The following SNTG1 variants were observed in gnomAD, a reference collection of about 807,000 sequenced individuals.
SNTG1 encodes the protein gamma-1-syntrophin.
SNTG1 carries 39 observed loss-of-function variants against 74.7 expected under a neutral mutation model. The ratio of observed to expected loss-of-function variants is 0.52; its 90% CI spans 0.40 to 0.68. The LOEUF is 0.68. SNTG1 is among the 30% of genes least tolerant of loss of function. The pLI is 0.00. For missense variants in SNTG1, 685 were observed against 609.5 expected (o/e 1.12, Z -1.30); for synonymous variants, 254 against 217.1 (o/e 1.17, Z -1.49).
At position 49,915,709 on chromosome 8, in the gene SNTG1, C is replaced by G. The variant is rs376321341; in HGVS notation, c.-103+3478C>G. On this transcript the variant is annotated intron_variant, in intron 1 of 18. Coordinates refer to ENST00000642720, the MANE Select transcript of SNTG1 (RefSeq NM_018967.5). ...AGTGATATTGATAAGGAAACTCATA[C>G]GATGAAATACACTTCAAAACTCCAT... 5.9e-5 allele frequency among the ~76,000 whole-genome samples: 9 copies of G among 152,058 alleles called. No individual in the cohort carries two copies. The East Asian group carries it at 1.7e-3, about 29-fold the overall frequency.
chr8:50,430,609 G>A (rs1392108951), intron 4 of SNTG1, among the ~76,000 whole-genome samples: 5 of 152,144 alleles, frequency 3.3e-5, no homozygotes, highest in African/African-American at 7.2e-5. Flanking sequence ...CAGACAAATC[G>A]ACTTTGTTCT....
At position 50,671,935 on chromosome 8, in the gene SNTG1, A is replaced by G. The variant is rs1237439468; in HGVS notation, c.1038+13272A>G. 6.0e-5 allele frequency among the ~76,000 whole-genome samples: 9 copies of G among 150,920 alleles called. No homozygotes were observed. The East Asian group carries it at 1.6e-3, about 27-fold the overall frequency. ...TGGAAATCATCATTCTCAGTAAACT[A>G]TCGCAAGGACAAAAAACTAAACACC... On this transcript the variant is annotated intron_variant, in intron 15 of 18. Coordinates refer to ENST00000642720, the MANE Select transcript of SNTG1 (RefSeq NM_018967.5).
intron 2 of SNTG1, among the ~76,000 whole-genome samples, chr8:50,336,248 T>C (rs933411405): frequency 6.6e-6 from 1 of 152,244 alleles, no homozygotes; most frequent in Non-Finnish European, 1.5e-5. Flanking sequence ...CTTCATCCTG[T>C]AGACTCTTTC....
chr8:50,726,687 A>C (rs1027058710), intron 17 of SNTG1, among the ~76,000 whole-genome samples: 4 of 152,152 alleles, frequency 2.6e-5, no homozygotes, highest in African/African-American at 9.7e-5. Context: ...GTCTCTACTA[A>C]AAATACAAAA....
At chr8:50,567,541 T>C (rs1304437545) in intron 12 of SNTG1, among the ~76,000 whole-genome samples, 2 of 152,086 alleles carry the variant, frequency 1.3e-5, no homozygotes, top group Non-Finnish European at 1.5e-5. Flanking sequence ...TGAGATATTA[T>C]TCTAGCCTTA....
intron 1 of SNTG1, among the ~76,000 whole-genome samples, chr8:49,932,214 A>G (rs1186932081): frequency 6.6e-6 from 1 of 152,106 alleles, no homozygotes; most frequent in Admixed American, 6.6e-5. Context: ...AGTTCCTATT[A>G]CAGCTTCTAA....
chr8:50,190,320 G>A (rs1410081258), intron 2 of SNTG1, among the ~76,000 whole-genome samples: 2 of 152,086 alleles, frequency 1.3e-5, no homozygotes, highest in Non-Finnish European at 2.9e-5. Context: ...TCCCTGGATT[G>A]AGGAGAACAG....
intron 5 of SNTG1, among the ~76,000 whole-genome samples, chr8:50,442,697 A>C (rs1337941349): frequency 6.6e-6 from 1 of 151,448 alleles, no homozygotes; most frequent in African/African-American, 2.4e-5. Flanking sequence ...AAAAAAAAAA[A>C]AAAAAAAAAA....
rs373492087 is a variant in SNTG1 at position 50,035,047 on chromosome 8, A to G, written c.-103+122816A>G. Among the ~76,000 whole-genome samples, 5 of 152,114 alleles carry G rather than the reference A, an allele frequency of 3.3e-5. No individual in the cohort carries two copies. In the East Asian group the frequency reaches 9.7e-4, roughly 29 times the overall value. On this transcript the variant is annotated intron_variant, in intron 1 of 18. Transcript: ENST00000642720. Reference sequence around the variant, plus strand: ...CTGGGTGATGCCCCACATAGTTCCCACTAGATGTCACTTTGTTCTTTCCTA... The same window carrying G: ...CTGGGTGATGCCCCACATAGTTCCCGCTAGATGTCACTTTGTTCTTTCCTA...
rs114532790 is a variant in SNTG1 at position 50,372,435 on chromosome 8, C to T, written c.-27-21777C>T. ...CCCATGTACATACCATATATTGTTA[C>T]GCTAGTGTCTCTGTGGTAGAAGAAG... On this transcript the variant is annotated intron_variant, in intron 2 of 18. Coordinates refer to ENST00000642720, the MANE Select transcript of SNTG1 (RefSeq NM_018967.5). 8.7e-3 allele frequency among the ~76,000 whole-genome samples: 1,316 copies of T among 151,962 alleles called. 23 individuals are homozygous for T. Among genetic ancestry groups the T allele is most frequent in the African/African-American group, 0.03 (1,242 of 41,484 alleles).
intron 1 of SNTG1, among the ~76,000 whole-genome samples, chr8:50,089,664 C>T (rs2079638545): frequency 6.6e-6 from 1 of 152,332 alleles, no homozygotes; most frequent in Non-Finnish European, 1.5e-5. Flanking sequence ...AGATGCTCAT[C>T]ATCACTGGCC....
At chr8:50,452,985 A>G (rs2131635089) in intron 8 of SNTG1, among the ~76,000 whole-genome samples, 1 of 152,338 alleles carries the variant, frequency 6.6e-6, no homozygotes, top group African/African-American at 2.4e-5. Context: ...GCATGCTGAT[A>G]TGCCACATTC....
chr8:50,061,787 T>C (rs1251919128), intron 1 of SNTG1, among the ~76,000 whole-genome samples: 1 of 152,218 alleles, frequency 6.6e-6, no homozygotes, highest in Non-Finnish European at 1.5e-5. Context: ...TATTTTCTTA[T>C]TGTCTTGTTA....
rs573273456 is a variant in SNTG1 at position 50,099,656 on chromosome 8, T to C, written c.-102-72905T>C. Among the ~76,000 whole-genome samples, 4 of 152,258 alleles carry C rather than the reference T, an allele frequency of 2.6e-5. No individual in the cohort carries two copies. The South Asian group carries it at 8.3e-4, about 32-fold the overall frequency. On this transcript the variant is annotated intron_variant, in intron 1 of 18. Transcript: ENST00000642720. The stretch of plus-strand genomic sequence containing the variant: ...TCCACATTCTCACTAGCATTTGCTA[T>C]CTTTTATCTTTGTGATAATAGGCAT...
At chr8:49,977,147 C>A (rs1208501539) in intron 1 of SNTG1, among the ~76,000 whole-genome samples, 1 of 151,962 alleles carries the variant, frequency 6.6e-6, no homozygotes, top group Non-Finnish European at 1.5e-5. Context: ...GAAGTGTCTG[C>A]AAGATGAAGT....
At chr8:50,048,099 T>C (rs1031128655) in intron 1 of SNTG1, among the ~76,000 whole-genome samples, 9 of 152,042 alleles carry the variant, frequency 5.9e-5, no homozygotes, top group Admixed American at 5.9e-4. Flanking sequence ...TGTGTTGGCA[T>C]CCATGAAAAA....
chr8:50,573,941 TAAC>T (rs1330424688), intron 12 of SNTG1, among the ~76,000 whole-genome samples: 2 of 152,012 alleles, frequency 1.3e-5, no homozygotes, highest in African/African-American at 4.8e-5. Flanking sequence ...TAGAATCAAA[TAAC>T]AAGAATAACT....
chr8:50,035,900 C>T (rs1338434246), intron 1 of SNTG1, among the ~76,000 whole-genome samples: 1 of 152,034 alleles, frequency 6.6e-6, no homozygotes. Context: ...ACTGCACCTG[C>T]CATCACCAGA....
At chr8:50,467,571 C>G (rs542720104) in intron 8 of SNTG1, among the ~76,000 whole-genome samples, 1 of 151,788 alleles carries the variant, frequency 6.6e-6, no homozygotes, top group South Asian at 2.1e-4. Flanking sequence ...TTTTCTTTAT[C>G]TTTTCAAAAA....
Sources: allele counts gnomAD v4.1 joint callset (sites outside exome capture counted in the v4.1 genomes callset), GRCh38; gene constraint gnomAD v4.1.1; transcripts MANE v1.5; gene names NCBI Gene and HGNC (gene_info 2026-07-23, HGNC 2026-07-21).